Variants in KALRN observed in about 807,000 individuals in gnomAD.
The protein encoded by KALRN is kalirin RhoGEF kinase.
KALRN carries 70 observed loss-of-function variants against 353.7 expected under a neutral mutation model. That is an observed-to-expected ratio of 0.20 (90% CI 0.16 to 0.24). KALRN has a LOEUF of 0.24. Among genes scored for constraint, KALRN ranks in the 10% least tolerant of loss-of-function variants. The pLI, the probability that KALRN is intolerant of heterozygous loss-of-function variation, is 1.00. For missense variants in KALRN, 2,791 were observed against 3,756.7 expected (o/e 0.74, Z 6.72); for synonymous variants, 1,391 against 1,434.8 (o/e 0.97, Z 0.69).
At chr3:124,384,784 A>G in intron 10 of KALRN, 61 bp from the exon 11 acceptor site, 1 of 1,484,932 alleles carries the variant, frequency 6.7e-7, no homozygotes, top group South Asian at 1.3e-5. Context: ...GGGGAGCCCC[A>G]GGGTGGGCTG....
chr3:124,355,043 C>A (rs2083237842), intron 10 of KALRN, among the ~76,000 whole-genome samples: 2 of 152,174 alleles, frequency 1.3e-5, no homozygotes, highest in Admixed American at 1.3e-4. Context: ...TGGGAGTCCT[C>A]AAGCTCCCTG....
At chr3:124,115,120 T>C (rs1464554334) in intron 1 of KALRN, among the ~76,000 whole-genome samples, 1 of 152,112 alleles carries the variant, frequency 6.6e-6, no homozygotes, top group Non-Finnish European at 1.5e-5. Context: ...CTTGTGGAGA[T>C]AGAGGAGGCC....
chr3:124,594,017 A>G (rs1327827572), intron 34 of KALRN, among the ~76,000 whole-genome samples: 2 of 152,116 alleles, frequency 1.3e-5, no homozygotes, highest in Non-Finnish European at 2.9e-5. Context: ...AAAAGTAACT[A>G]TGCTGACTAC....
At chr3:124,289,180 G>C (rs1424585995) in intron 5 of KALRN, among the ~76,000 whole-genome samples, 2 of 151,978 alleles carry the variant, frequency 1.3e-5, no homozygotes, top group African/African-American at 2.4e-5. Flanking sequence ...TTCCATCATG[G>C]GGGGGGTCCC....
intron 1 of KALRN, among the ~76,000 whole-genome samples, chr3:124,038,956 C>A (rs1302577246): frequency 6.6e-6 from 1 of 152,234 alleles, no homozygotes; most frequent in Non-Finnish European, 1.5e-5. Context: ...CCAGGCCAGG[C>A]CCCATATGCC....
At chr3:124,546,017 G>T (rs2109414089) in intron 33 of KALRN, among the ~76,000 whole-genome samples, 1 of 152,244 alleles carries the variant, frequency 6.6e-6, no homozygotes, top group Middle Eastern at 3.4e-3. Flanking sequence ...ATAAACAGAA[G>T]CAACTAGAAA....
rs149690087 is a variant in KALRN at position 124,618,140 on chromosome 3, G to T, written c.5183-14280G>T. 3.3e-4 allele frequency among the ~76,000 whole-genome samples: 39 copies of T among 119,238 alleles called. No homozygotes were observed. In the East Asian group the frequency reaches 0.01, roughly 31 times the overall value. 78.2% of individuals were successfully genotyped at this position (119,238 alleles called of 152,430 possible). ...TTTTTTTTTTTTGAGATGGAGTCTC[G>T]CTCTGTCTCCCAGGCTGGAGTGCAG... On this transcript the variant is annotated intron_variant, in intron 34 of 59. Coordinates refer to ENST00000682506, the MANE Select transcript of KALRN (RefSeq NM_001388419.1).
chr3:124,406,074 C>T (rs532314075), intron 13 of KALRN, among the ~76,000 whole-genome samples: 1 of 152,302 alleles, frequency 6.6e-6, no homozygotes, highest in East Asian at 1.9e-4. Context: ...TCATCAATTA[C>T]AGCATTTTTG....
chr3:124,141,914 G>A (rs185953677), intron 1 of KALRN, among the ~76,000 whole-genome samples: 7 of 152,326 alleles, frequency 4.6e-5, no homozygotes, highest in Admixed American at 4.6e-4. Context: ...TTGGGGCTGG[G>A]AGGATCTGGG....
chr3:124,547,288 C>T (rs2069804192), intron 33 of KALRN, among the ~76,000 whole-genome samples: 1 of 150,564 alleles, frequency 6.6e-6, no homozygotes, highest in Non-Finnish European at 1.5e-5. Context: ...GTATAATCCA[C>T]TGTGCCAGGC....
At chr3:124,501,775 G>A (rs1171946011) in intron 33 of KALRN, among the ~76,000 whole-genome samples, 2 of 152,106 alleles carry the variant, frequency 1.3e-5, no homozygotes, top group Admixed American at 6.6e-5. Context: ...CACCCACTTC[G>A]TTCATGAACT....
intron 21 of KALRN, among the ~76,000 whole-genome samples, chr3:124,449,329 C>T (rs955456432): frequency 2.1e-4 from 32 of 151,886 alleles, no homozygotes; most frequent in Middle Eastern, 3.2e-3. Flanking sequence ...TATGTAAAAG[C>T]TCACAAATAC....
At chr3:124,612,468 G>T (rs2078108150) in intron 34 of KALRN, among the ~76,000 whole-genome samples, 2 of 152,206 alleles carry the variant, frequency 1.3e-5, no homozygotes, top group African/African-American at 4.8e-5. Flanking sequence ...CTCCCAAAGT[G>T]CTGGGATTAC....
intron 34 of KALRN, among the ~76,000 whole-genome samples, chr3:124,588,481 G>A (rs2075431343): frequency 6.6e-6 from 1 of 152,192 alleles, no homozygotes; most frequent in Admixed American, 6.5e-5. Context: ...CTGGAGTGCA[G>A]TGGGACAATC....
At chr3:124,117,599 G>A (rs781479813) in intron 1 of KALRN, among the ~76,000 whole-genome samples, 4 of 152,070 alleles carry the variant, frequency 2.6e-5, no homozygotes, top group Admixed American at 6.6e-5. Context: ...AGATTCTTCC[G>A]GAAGAAGTAG....
chr3:124,409,195 G>A (rs1054133504), intron 13 of KALRN, among the ~76,000 whole-genome samples: 1 of 152,190 alleles, frequency 6.6e-6, no homozygotes, highest in African/African-American at 2.4e-5. Context: ...AACTGAGGTG[G>A]AAGTAACTGA....
At chr3:124,040,868 G>T (rs550873974) in intron 1 of KALRN, among the ~76,000 whole-genome samples, 8 of 152,300 alleles carry the variant, frequency 5.3e-5, no homozygotes, top group African/African-American at 1.9e-4. Flanking sequence ...TCTCTTGAAG[G>T]CATGCTAGGC....
intron 45 of KALRN, among the ~76,000 whole-genome samples, chr3:124,662,349 C>G (rs911113864): frequency 1.3e-5 from 2 of 151,832 alleles, no homozygotes; most frequent in African/African-American, 4.8e-5. Flanking sequence ...ACTCCAGTCA[C>G]ACACCACCAT....
chr3:124,319,404 C>A lies in KALRN; in HGVS notation c.1093-6576C>A, dbSNP rs549012232. 4.0e-5 allele frequency among the ~76,000 whole-genome samples: 6 copies of A among 151,362 alleles called. No homozygotes were observed. In the East Asian group the frequency reaches 1.2e-3, roughly 29 times the overall value. ...AAGAAAGAAACTAGAAACCAACAAC[C>A]TTTGCACCTCAATAAAAAGAGTGAA... On this transcript the variant is annotated intron_variant, in intron 6 of 59. Coordinates refer to ENST00000682506, the MANE Select transcript of KALRN (RefSeq NM_001388419.1).
Sources: allele counts gnomAD v4.1 joint callset (sites outside exome capture counted in the v4.1 genomes callset), GRCh38; gene constraint gnomAD v4.1.1; transcripts MANE v1.5; gene names NCBI Gene and HGNC (gene_info 2026-07-23, HGNC 2026-07-21).